Variants in CTNND2 observed in about 807,000 individuals in gnomAD.
CTNND2 encodes the protein catenin delta 2.
Under a neutral mutation model 144.4 loss-of-function variants are expected in CTNND2, and 22 were observed. The ratio of observed to expected loss-of-function variants is 0.15; its 90% CI spans 0.11 to 0.22. CTNND2 has a LOEUF of 0.22. CTNND2 is among the 10% of genes least tolerant of loss of function. The pLI is 1.00. For missense variants in CTNND2, 1,353 were observed against 1,618.8 expected, an observed-to-expected ratio of 0.84 and a Z score of 2.82; for synonymous variants, 751 against 695.6, an observed-to-expected ratio of 1.08 and a Z score of -1.25.
intron 3 of CTNND2, among the ~76,000 whole-genome samples, chr5:11,539,928 G>A (rs1211745591): frequency 6.6e-6 from 1 of 152,176 alleles, no homozygotes; most frequent in Non-Finnish European, 1.5e-5. Context: ...CAGCTACTTG[G>A]GAGGCTGAGG....
At chr5:11,850,858 T>G (rs1794977252) in intron 1 of CTNND2, among the ~76,000 whole-genome samples, 1 of 152,216 alleles carries the variant, frequency 6.6e-6, no homozygotes, top group Admixed American at 6.5e-5. Flanking sequence ...AAACTTTATG[T>G]GTCTACTTGG....
At chr5:11,039,718 G>T (rs1744482646) in intron 16 of CTNND2, among the ~76,000 whole-genome samples, 4 of 152,174 alleles carry the variant, frequency 2.6e-5, no homozygotes, top group African/African-American at 9.6e-5. Context: ...ACAAATTCTA[G>T]AAGGTACACT....
Position 11,563,629 on chromosome 5 carries a change from A to T in CTNND2, c.287+1315T>A, listed in dbSNP as rs61763047. Among the ~76,000 whole-genome samples, 485 of 152,332 alleles carry T rather than the reference A, an allele frequency of 3.2e-3. 3 individuals are homozygous for T. Among genetic ancestry groups the T allele is most frequent in the Non-Finnish European group, 5.3e-3 (358 of 68,020 alleles). On this transcript the variant is annotated intron_variant, in intron 3 of 21. Transcript: ENST00000304623. The stretch of plus-strand genomic sequence containing the variant: ...TATTTGCAGCAACATATACATTTGG[A>T]TGCAGAAGCAGATGCTTTCACATAT...
chr5:11,808,270 C>T (rs1049744042), intron 1 of CTNND2, among the ~76,000 whole-genome samples: 2 of 152,186 alleles, frequency 1.3e-5, no homozygotes, highest in Non-Finnish European at 1.5e-5. Context: ...TTAATGAACT[C>T]CCACCACCTG....
intron 1 of CTNND2, among the ~76,000 whole-genome samples, chr5:11,802,075 C>A (rs1226001989): frequency 6.6e-6 from 1 of 152,012 alleles, no homozygotes; most frequent in Non-Finnish European, 1.5e-5. Flanking sequence ...GAGTTTGAGA[C>A]TAGCCTGGCC....
chr5:11,554,041 G>A (rs141466254), intron 3 of CTNND2, among the ~76,000 whole-genome samples: 32 of 152,148 alleles, frequency 2.1e-4, no homozygotes, highest in Middle Eastern at 3.4e-3. Context: ...CAAATTCTTT[G>A]AACAGCTGAC....
At chr5:11,662,501 G>A (rs551970228) in intron 2 of CTNND2, among the ~76,000 whole-genome samples, 4 of 151,938 alleles carry the variant, frequency 2.6e-5, no homozygotes, top group East Asian at 3.9e-4. Context: ...GACTTTTCAC[G>A]ATTTTCTGCC....
intron 3 of CTNND2, among the ~76,000 whole-genome samples, chr5:11,496,368 GTT>G (rs1769940118): frequency 1.3e-5 from 2 of 152,162 alleles, no homozygotes; most frequent in South Asian, 4.1e-4. Flanking sequence ...CTGAGAACAT[GTT>G]TGGCTTCCAT....
intron 9 of CTNND2, among the ~76,000 whole-genome samples, chr5:11,324,022 T>TG (rs1752299718): frequency 6.6e-6 from 1 of 152,164 alleles, no homozygotes; most frequent in South Asian, 2.1e-4. Context: ...GGGAACTCGA[T>TG]GGACACTCAA....
intron 7 of CTNND2, among the ~76,000 whole-genome samples, chr5:11,366,209 T>C (rs1487454515): frequency 6.6e-6 from 1 of 152,192 alleles, no homozygotes; most frequent in East Asian, 1.9e-4. Flanking sequence ...TGTAATATTC[T>C]TGTCTAGAAT....
intron 16 of CTNND2, among the ~76,000 whole-genome samples, chr5:11,049,024 G>C (rs1745568405): frequency 6.6e-6 from 1 of 152,174 alleles, no homozygotes; most frequent in South Asian, 2.1e-4. Context: ...AATGTTTTCT[G>C]ATATTGCTAA....
intron 2 of CTNND2, among the ~76,000 whole-genome samples, chr5:11,647,331 T>A (rs374648092): frequency 2.6e-5 from 4 of 152,114 alleles, no homozygotes; most frequent in East Asian, 1.9e-4. Context: ...TAACTTCAGC[T>A]GCAAAAAGAG....
chr5:11,625,553 G>A (rs1025510218), intron 2 of CTNND2, among the ~76,000 whole-genome samples: 3 of 151,938 alleles, frequency 2.0e-5, no homozygotes, highest in Non-Finnish European at 2.9e-5. Flanking sequence ...TTGCAATCAT[G>A]GATTAAACAT....
At chr5:11,350,088 G>A (rs1755173151) in intron 8 of CTNND2, among the ~76,000 whole-genome samples, 1 of 152,102 alleles carries the variant, frequency 6.6e-6, no homozygotes, top group Non-Finnish European at 1.5e-5. Flanking sequence ...AGTGAGCTGA[G>A]ATCGTGCCAT....
chr5:11,327,950 G>A (rs1346241428), intron 9 of CTNND2, among the ~76,000 whole-genome samples: 1 of 152,158 alleles, frequency 6.6e-6, no homozygotes, highest in Admixed American at 6.5e-5. Context: ...AATTTTTTAA[G>A]TACAATAATA....
chr5:11,267,631 T>C (rs1745585029), intron 9 of CTNND2, among the ~76,000 whole-genome samples: 1 of 152,180 alleles, frequency 6.6e-6, no homozygotes, highest in African/African-American at 2.4e-5. Flanking sequence ...ATGCCCACCG[T>C]GTGATTTAAA....
At chr5:11,151,134 A>G (rs1757724678) in intron 12 of CTNND2, among the ~76,000 whole-genome samples, 3 of 152,206 alleles carry the variant, frequency 2.0e-5, no homozygotes, top group Non-Finnish European at 4.4e-5. Context: ...TTTATTTTCA[A>G]ATAATGCCAC....
At chr5:11,247,030 A>C (rs1384389549) in intron 9 of CTNND2, among the ~76,000 whole-genome samples, 1 of 152,208 alleles carries the variant, frequency 6.6e-6, no homozygotes, top group Non-Finnish European at 1.5e-5. Flanking sequence ...CACATTCTTA[A>C]AAGATCCCTT....
intron 16 of CTNND2, among the ~76,000 whole-genome samples, chr5:11,031,947 C>G (rs1260915132): frequency 6.6e-6 from 1 of 152,200 alleles, no homozygotes; most frequent in Non-Finnish European, 1.5e-5. Flanking sequence ...TCAGACTGAG[C>G]CACTGATGGC....
Sources: allele counts gnomAD v4.1 joint callset (sites outside exome capture counted in the v4.1 genomes callset), GRCh38; gene constraint gnomAD v4.1.1; transcripts MANE v1.5; gene names NCBI Gene and HGNC (gene_info 2026-07-23, HGNC 2026-07-21).